Variants in LRRTM4 observed in about 807,000 individuals in gnomAD.
LRRTM4 encodes leucine rich repeat transmembrane neuronal 4, also known as leucine-rich repeat transmembrane neuronal protein 4.
In LRRTM4, 25 loss-of-function variants were observed where a neutral mutation model predicts 47.6. The observed-to-expected ratio is 0.53, with a 90% CI of 0.38 to 0.73. The LOEUF (loss-of-function observed/expected upper bound fraction) is 0.73, where lower values mean the gene tolerates loss of function less well. Ranked by LOEUF, LRRTM4 falls within the 30% of genes least tolerant of loss-of-function variation. LRRTM4 has a pLI of 0.00. For synonymous variants in LRRTM4, 311 were observed against 269.5 expected (o/e 1.15, Z -1.51); for missense variants, 638 against 713.4 (o/e 0.89, Z 1.20).
intron 3 of LRRTM4, among the ~76,000 whole-genome samples, chr2:77,095,253 T>C (rs948461531): frequency 6.6e-6 from 1 of 152,034 alleles, no homozygotes; most frequent in African/African-American, 2.4e-5. Flanking sequence ...AAAAGACAAA[T>C]GATAGCAAGT....
chr2:77,321,455 AC>A (rs1276211613), intron 3 of LRRTM4, among the ~76,000 whole-genome samples: 1 of 150,882 alleles, frequency 6.6e-6, no homozygotes, highest in Non-Finnish European at 1.5e-5. Context: ...CATACAGGGG[AC>A]ATTAGAAAAT....
intron 3 of LRRTM4, among the ~76,000 whole-genome samples, chr2:76,877,602 G>T (rs1286388566): frequency 6.6e-6 from 1 of 151,686 alleles, no homozygotes. Context: ...AATTATTTCG[G>T]TTTATTTCAG....
intron 3 of LRRTM4, among the ~76,000 whole-genome samples, chr2:77,080,591 A>T (rs1251280819): frequency 6.6e-6 from 1 of 152,192 alleles, no homozygotes; most frequent in Non-Finnish European, 1.5e-5. Flanking sequence ...ATCTAAATTA[A>T]TGGAAATTCT....
chr2:76,837,795 A>G (rs998635858), intron 3 of LRRTM4, among the ~76,000 whole-genome samples: 26 of 152,152 alleles, frequency 1.7e-4, no homozygotes, highest in African/African-American at 6.0e-4. Context: ...AGGGACATGG[A>G]TGAAATTGGA....
intron 3 of LRRTM4, among the ~76,000 whole-genome samples, chr2:76,891,061 G>A (rs1432085685): frequency 6.6e-6 from 1 of 151,634 alleles, no homozygotes; most frequent in Non-Finnish European, 1.5e-5. Flanking sequence ...GTCAGTTTAA[G>A]GTCCCACTTC....
Position 76,882,614 on chromosome 2 carries a change from G to A in LRRTM4, c.1552-133698C>T, listed in dbSNP as rs114718885. On this transcript the variant is annotated intron_variant, in intron 3 of 3. Transcript: ENST00000409884. ...AGCTACTTGGGACGCTGAGGTGGGA[G>A]GATTCTACTAGTAGCCAACTAGTCA... is the stretch of plus-strand genomic sequence containing the variant. Among the ~76,000 whole-genome samples, 717 of 152,230 alleles carry A rather than the reference G, an allele frequency of 4.7e-3. 5 individuals are homozygous for A. The highest frequency in any genetic ancestry group is 0.016 in the African/African-American group (682 of 41,532).
intron 3 of LRRTM4, among the ~76,000 whole-genome samples, chr2:76,919,867 A>T (rs1247622783): frequency 1.3e-5 from 2 of 152,056 alleles, no homozygotes; most frequent in African/African-American, 4.8e-5. Context: ...TTGTTGTGTC[A>T]TTTTCTGGTC....
chr2:76,842,137 C>T (rs888987614), intron 3 of LRRTM4, among the ~76,000 whole-genome samples: 17 of 152,152 alleles, frequency 1.1e-4, no homozygotes, highest in African/African-American at 3.6e-4. Flanking sequence ...AACATCAAAT[C>T]AGCCGAGGGC....
At chr2:77,011,024 C>A (rs148110698) in intron 3 of LRRTM4, among the ~76,000 whole-genome samples, 2 of 151,990 alleles carry the variant, frequency 1.3e-5, no homozygotes, top group African/African-American at 4.8e-5. Context: ...AGGTAATGAC[C>A]AATTTTTGAT....
chr2:77,474,609 G>T (rs976908241), intron 3 of LRRTM4, among the ~76,000 whole-genome samples: 1 of 151,984 alleles, frequency 6.6e-6, no homozygotes, highest in Non-Finnish European at 1.5e-5. Flanking sequence ...AGGAACTCTG[G>T]TACCAAATTG....
chr2:77,340,189 T>C (rs897759290), intron 3 of LRRTM4, among the ~76,000 whole-genome samples: 1 of 151,866 alleles, frequency 6.6e-6, no homozygotes, highest in Non-Finnish European at 1.5e-5. Context: ...AATATATATT[T>C]TAAATATAAA....
chr2:77,319,486 C>A (rs986689500), intron 3 of LRRTM4, among the ~76,000 whole-genome samples: 5 of 152,142 alleles, frequency 3.3e-5, no homozygotes, highest in Non-Finnish European at 5.9e-5. Flanking sequence ...TCTCTTGCTC[C>A]ACCCCTTCAA....
intron 3 of LRRTM4, among the ~76,000 whole-genome samples, chr2:77,146,571 C>T (rs1156237872): frequency 6.6e-6 from 1 of 151,992 alleles, no homozygotes; most frequent in South Asian, 2.1e-4. Flanking sequence ...AATTTTAAGC[C>T]GGGAATAACT....
intron 3 of LRRTM4, among the ~76,000 whole-genome samples, chr2:77,407,794 C>T (rs1024149457): frequency 4.1e-5 from 6 of 147,548 alleles, no homozygotes; most frequent in Non-Finnish European, 8.9e-5. Context: ...TCAAGGAGCT[C>T]CACCTACCAG....
intron 3 of LRRTM4, chr2:77,517,770 TATA>T: frequency 1.0e-6 from 1 of 984,942 alleles, no homozygotes. Context: ...TCTATGCTGG[TATA>T]ATAACTAAAT....
intron 3 of LRRTM4, among the ~76,000 whole-genome samples, chr2:77,291,921 G>A (rs565117656): frequency 1.5e-4 from 23 of 151,790 alleles, no homozygotes; most frequent in African/African-American, 5.1e-4. Flanking sequence ...CTACAAAATG[G>A]GAGAAAATTT....
At chr2:76,927,537 C>T (rs1674626505) in intron 3 of LRRTM4, among the ~76,000 whole-genome samples, 1 of 152,058 alleles carries the variant, frequency 6.6e-6, no homozygotes, top group Non-Finnish European at 1.5e-5. Context: ...ACTGCCTTTC[C>T]TATTGTTAGT....
chr2:77,153,215 G>A (rs778400964), intron 3 of LRRTM4, among the ~76,000 whole-genome samples: 12 of 152,120 alleles, frequency 7.9e-5, no homozygotes, highest in Non-Finnish European at 1.3e-4. Context: ...AGGTACTGAG[G>A]TGTGTCAGAT....
At chr2:76,982,091 G>A (rs563612581) in intron 3 of LRRTM4, among the ~76,000 whole-genome samples, 1 of 152,048 alleles carries the variant, frequency 6.6e-6, no homozygotes, top group South Asian at 2.1e-4. Flanking sequence ...TTAACCCTAG[G>A]CCATACTCTA....
Sources: allele counts gnomAD v4.1 joint callset (sites outside exome capture counted in the v4.1 genomes callset), GRCh38; gene constraint gnomAD v4.1.1; transcripts MANE v1.5; gene names NCBI Gene and HGNC (gene_info 2026-07-23, HGNC 2026-07-21).